PACSIN2: variants seen among roughly 807,000 people sequenced by gnomAD.
The protein encoded by PACSIN2 is protein kinase C and casein kinase substrate in neurons 2.
In PACSIN2, 25 loss-of-function variants were observed where a neutral mutation model predicts 63.8. The observed-to-expected ratio is 0.39, with a 90% CI of 0.29 to 0.55. PACSIN2 has a LOEUF of 0.55. Ranked by LOEUF, PACSIN2 falls within the 20% of genes least tolerant of loss-of-function variation. PACSIN2 has a pLI of 0.62. For synonymous variants in PACSIN2, 255 were observed against 256.2 expected, an observed-to-expected ratio of 1.00 and a Z score of 0.05; for missense variants, 518 against 646.9, an observed-to-expected ratio of 0.80 and a Z score of 2.16.
chr22:42,903,057 G>T (rs1930809999), intron 2 of PACSIN2, among the ~76,000 whole-genome samples: 1 of 152,244 alleles, frequency 6.6e-6, no homozygotes, highest in African/African-American at 2.4e-5. Context: ...TCCTGAGAGA[G>T]TCACATAAGC....
intron 1 of PACSIN2, among the ~76,000 whole-genome samples, chr22:42,941,623 G>A (rs565737941): frequency 1.3e-5 from 2 of 152,242 alleles, no homozygotes; most frequent in African/African-American, 2.4e-5. Flanking sequence ...ATTTTGATTC[G>A]TGTTTCCCTA....
chr22:43,010,305 G>A (rs908408777), intron 1 of PACSIN2, among the ~76,000 whole-genome samples: 5 of 150,950 alleles, frequency 3.3e-5, no homozygotes, highest in East Asian at 1.9e-4. Context: ...TTGGGAACCC[G>A]AGATGGGAGG....
intron 5 of PACSIN2, among the ~76,000 whole-genome samples, chr22:42,886,239 A>G (rs897668579): frequency 2.6e-5 from 4 of 152,226 alleles, no homozygotes; most frequent in African/African-American, 7.2e-5. Context: ...CAGGGCATAG[A>G]AAGTTCTCAG....
rs756472266 is a variant in PACSIN2 at position 42,899,309 on chromosome 22, C to T, written c.61-5696G>A. Among the ~76,000 whole-genome samples, 5 of 151,814 alleles carry T rather than the reference C, an allele frequency of 3.3e-5. No homozygotes were observed. In the East Asian group the frequency reaches 5.8e-4, roughly 18 times the overall value. On this transcript the variant is annotated intron_variant, in intron 2 of 10. Transcript: ENST00000263246. ...TTTTTCTTTTTCTTTTTTTTTGAGA[C>T]GGAGTCTAGCTCTGTTGCCCAAGCT... is the stretch of plus-strand genomic sequence containing the variant.
chr22:42,982,869 T>TTAA (rs1922285238), intron 1 of PACSIN2, among the ~76,000 whole-genome samples: 4 of 44,018 alleles, frequency 9.1e-5, no homozygotes, highest in Admixed American at 3.5e-4. Flanking sequence ...GAATGATCAA[T>TTAA]AAAAAAAAAA....
intron 10 of PACSIN2, among the ~76,000 whole-genome samples, chr22:42,873,449 T>A (rs1345557956): frequency 6.6e-6 from 1 of 150,616 alleles, no homozygotes; most frequent in Non-Finnish European, 1.5e-5. Context: ...AGGGGAAGAG[T>A]GTCTGGGGAC....
intron 1 of PACSIN2, among the ~76,000 whole-genome samples, chr22:42,944,820 G>A (rs189578920): frequency 1.5e-3 from 228 of 152,314 alleles, no homozygotes; most frequent in Non-Finnish European, 3.0e-3. Flanking sequence ...GACTGTAGCT[G>A]GGCGCGGTGG....
At chr22:42,933,983 G>A (rs867591697) in intron 1 of PACSIN2, among the ~76,000 whole-genome samples, 7 of 152,320 alleles carry the variant, frequency 4.6e-5, no homozygotes, top group Middle Eastern at 6.8e-3. Flanking sequence ...AAATACCAGT[G>A]AAAAGCTACA....
intron 2 of PACSIN2, among the ~76,000 whole-genome samples, chr22:42,899,103 T>A (rs1262504953): frequency 6.6e-6 from 1 of 152,168 alleles, no homozygotes; most frequent in Non-Finnish European, 1.5e-5. Flanking sequence ...ACCTTCAGAC[T>A]CTGGGCCCTA....
chr22:42,953,456 A>C (rs1226553087), intron 1 of PACSIN2, among the ~76,000 whole-genome samples: 2 of 152,242 alleles, frequency 1.3e-5, no homozygotes, highest in South Asian at 4.1e-4. Context: ...CACTGCAATA[A>C]GAAAAATAAC....
intron 1 of PACSIN2, among the ~76,000 whole-genome samples, chr22:42,990,009 T>C (rs1674187209): frequency 1.5e-5 from 1 of 65,454 alleles, no homozygotes; most frequent in African/African-American, 6.8e-5. Flanking sequence ...TACACACACA[T>C]ATATATACAC....
intron 1 of PACSIN2, among the ~76,000 whole-genome samples, chr22:42,940,806 G>A (rs1933123934): frequency 6.6e-6 from 1 of 152,240 alleles, no homozygotes; most frequent in Non-Finnish European, 1.5e-5. Context: ...GTCAAGAATA[G>A]CCAAAGGGAT....
intron 1 of PACSIN2, among the ~76,000 whole-genome samples, chr22:43,007,048 T>C (rs756226931): frequency 1.3e-5 from 2 of 152,074 alleles, no homozygotes; most frequent in Non-Finnish European, 2.9e-5. Flanking sequence ...CTCCCCCATC[T>C]GCATCCCTGA....
intron 1 of PACSIN2, among the ~76,000 whole-genome samples, chr22:42,993,096 C>T: frequency 6.6e-6 from 1 of 152,004 alleles, no homozygotes; most frequent in African/African-American, 2.4e-5. Flanking sequence ...ATCACTTCAA[C>T]CCGGGAGGCG....
At chr22:43,002,935 C>G (rs759462141) in intron 1 of PACSIN2, among the ~76,000 whole-genome samples, 67 of 152,290 alleles carry the variant, frequency 4.4e-4, no homozygotes, top group Middle Eastern at 3.4e-3. Context: ...ATAACAATGT[C>G]AGTTATTGAA....
chr22:42,989,396 G>T (rs1367529226), intron 1 of PACSIN2, among the ~76,000 whole-genome samples: 1 of 151,626 alleles, frequency 6.6e-6, no homozygotes, highest in African/African-American at 2.4e-5. Context: ...TACTAAGGAG[G>T]CTGAGGCAGG....
chr22:43,006,176 C>T (rs989878690), intron 1 of PACSIN2, among the ~76,000 whole-genome samples: 6 of 152,168 alleles, frequency 3.9e-5, no homozygotes, highest in African/African-American at 1.2e-4. Context: ...CAATCCGCAA[C>T]ATGAAAAAGG....
In PACSIN2 at chr22:42,948,566, A is replaced by T. The variant is rs1933534621; in HGVS notation, c.-77-36409T>A. On this transcript the variant is annotated intron_variant, in intron 1 of 10. Coordinates refer to ENST00000263246, the MANE Select transcript of PACSIN2 (RefSeq NM_001184970.3). The stretch of plus-strand genomic sequence containing the variant: ...GGCAGGAAGATCACTTGAGCCCAAG[A>T]GTTTGAGGCTGCAGTGAGCTATGAT... 3.3e-5 allele frequency among the ~76,000 whole-genome samples: 5 copies of T among 152,270 alleles called. 1 individual carries two copies. In the South Asian group the frequency reaches 1.0e-3, roughly 32 times the overall value.
Position 43,014,369 on chromosome 22 carries a change from C to A in PACSIN2, c.-78+652G>T, listed in dbSNP as rs1191686545. Among the ~76,000 whole-genome samples, 94 of 15,504 alleles carry A rather than the reference C, an allele frequency of 6.1e-3. 1 individual carries two copies. Among genetic ancestry groups the A allele is most frequent in the African/African-American group, 0.044 (89 of 2,044 alleles). 10.2% of individuals were successfully genotyped at this position (15,504 alleles called of 152,430 possible). On this transcript the variant is annotated intron_variant, in intron 1 of 10. Coordinates refer to ENST00000263246, the MANE Select transcript of PACSIN2 (RefSeq NM_001184970.3). ...ACACACACAGACACACACACACCAC[C>A]CCCCCCCCCCCGGGACACGGAGGGT...
Sources: gnomAD v4.1 joint callset for allele counts (sites outside exome capture counted in the v4.1 genomes callset) on GRCh38, gnomAD v4.1.1 for gene constraint, MANE v1.5 for transcripts, NCBI Gene and HGNC (gene_info 2026-07-23, HGNC 2026-07-21) for gene names.